SGCZ: variants seen among roughly 807,000 people sequenced by gnomAD.
The protein encoded by SGCZ is sarcoglycan zeta, also known as zeta-sarcoglycan.
SGCZ carries 40 observed loss-of-function variants against 41.3 expected under a neutral mutation model. That is an observed-to-expected ratio of 0.97 (90% CI 0.75 to 1.26). The LOEUF is 1.26. Among genes scored for constraint, SGCZ ranks in the 50% most tolerant of loss-of-function variants. SGCZ has a pLI of 0.00. For synonymous variants in SGCZ, 206 were observed against 137.5 expected, an observed-to-expected ratio of 1.50 and a Z score of -3.49; for missense variants, 552 against 369.8, an observed-to-expected ratio of 1.49 and a Z score of -4.04.
intron 1 of SGCZ, among the ~76,000 whole-genome samples, chr8:14,779,386 A>C (rs765595440): frequency 1.3e-5 from 2 of 152,172 alleles, no homozygotes; most frequent in African/African-American, 2.4e-5. Flanking sequence ...TATTGGACAG[A>C]TGAGTATGCC....
At chr8:14,439,504 T>C (rs999655506) in intron 2 of SGCZ, among the ~76,000 whole-genome samples, 4 of 151,662 alleles carry the variant, frequency 2.6e-5, no homozygotes, top group African/African-American at 7.3e-5. Flanking sequence ...ATATCAATAT[T>C]CCTCATAAGT....
chr8:15,161,652 G>C (rs1157191696), intron 1 of SGCZ, among the ~76,000 whole-genome samples: 1 of 152,192 alleles, frequency 6.6e-6, no homozygotes, highest in African/African-American at 2.4e-5. Flanking sequence ...GTTGTAAAAA[G>C]TAGAAACCAA....
intron 1 of SGCZ, among the ~76,000 whole-genome samples, chr8:14,836,876 C>T (rs1802718503): frequency 6.6e-6 from 1 of 152,184 alleles, no homozygotes. Context: ...CTACTACTTT[C>T]ATGGAAAACA....
At chr8:15,010,855 G>A (rs1056045431) in intron 1 of SGCZ, among the ~76,000 whole-genome samples, 10 of 152,134 alleles carry the variant, frequency 6.6e-5, no homozygotes, top group African/African-American at 2.2e-4. Context: ...AACACGACGT[G>A]CCAAACAATA....
At chr8:14,435,842 G>A (rs1027115951) in intron 2 of SGCZ, among the ~76,000 whole-genome samples, 1 of 152,186 alleles carries the variant, frequency 6.6e-6, no homozygotes, top group Non-Finnish European at 1.5e-5. Flanking sequence ...GCTAGCCCAT[G>A]CTCTAGCCAA....
intron 1 of SGCZ, among the ~76,000 whole-genome samples, chr8:14,877,778 A>G (rs1271720877): frequency 6.6e-6 from 1 of 152,150 alleles, no homozygotes; most frequent in Non-Finnish European, 1.5e-5. Context: ...ACAAAAACGA[A>G]TATATTTATT....
intron 1 of SGCZ, among the ~76,000 whole-genome samples, chr8:14,737,020 G>C (rs1799056933): frequency 6.7e-6 from 1 of 150,232 alleles, no homozygotes; most frequent in Non-Finnish European, 1.5e-5. Flanking sequence ...CTGGTATATA[G>C]ATATATATAT....
At chr8:15,073,228 T>A (rs1805418245) in intron 1 of SGCZ, among the ~76,000 whole-genome samples, 1 of 152,164 alleles carries the variant, frequency 6.6e-6, no homozygotes, top group South Asian at 2.1e-4. Context: ...AGAGAAGTGA[T>A]CTTTTATACT....
chr8:14,285,165 C>T (rs188083791), intron 3 of SGCZ, among the ~76,000 whole-genome samples: 2 of 152,178 alleles, frequency 1.3e-5, no homozygotes, highest in East Asian at 3.9e-4. Context: ...TCCTTCTAGG[C>T]TTTTTATTAA....
rs368066882 is a variant in SGCZ at position 14,815,382 on chromosome 8, ATT to A, written c.40-260458_40-260457del. Among the ~76,000 whole-genome samples the A allele has an allele frequency of 4.9e-3, 720 of 147,780 alleles. 8 individuals carry two copies. The highest frequency in any genetic ancestry group is 0.016 in the African/African-American group (668 of 40,698). On this transcript the variant is annotated intron_variant, in intron 1 of 7. Coordinates refer to ENST00000382080, the MANE Select transcript of SGCZ (RefSeq NM_139167.4). The stretch of plus-strand genomic sequence containing the variant: ...GCCAGTTTTTCAAGCAACTTGTATG[ATT>A]TTTTTTTTTTGCATGTGGTTCATAA...
At chr8:15,115,496 T>A (rs1198809342) in intron 1 of SGCZ, among the ~76,000 whole-genome samples, 3 of 152,208 alleles carry the variant, frequency 2.0e-5, no homozygotes, top group African/African-American at 4.8e-5. Flanking sequence ...ATTTAGGATA[T>A]CTTTATAAAT....
intron 1 of SGCZ, among the ~76,000 whole-genome samples, chr8:15,061,531 A>T (rs994589500): frequency 3.7e-5 from 2 of 54,544 alleles, no homozygotes; most frequent in African/African-American, 1.3e-4. Context: ...TACAGTATAT[A>T]AAAAAAAAAA....
At chr8:14,758,380 C>A (rs1358177696) in intron 1 of SGCZ, among the ~76,000 whole-genome samples, 3 of 152,064 alleles carry the variant, frequency 2.0e-5, no homozygotes, top group Non-Finnish European at 2.9e-5. Flanking sequence ...TTTTTTTTAA[C>A]CAAGTCAGCT....
intron 1 of SGCZ, among the ~76,000 whole-genome samples, chr8:14,923,973 C>A (rs901279015): frequency 3.3e-5 from 5 of 152,246 alleles, no homozygotes; most frequent in African/African-American, 1.2e-4. Context: ...AAGGCAGCAA[C>A]TTCTGGAAAA....
At chr8:14,676,276 T>C (rs570079088) in intron 1 of SGCZ, among the ~76,000 whole-genome samples, 1 of 152,166 alleles carries the variant, frequency 6.6e-6, no homozygotes, top group African/African-American at 2.4e-5. Flanking sequence ...CAGAAAGATC[T>C]CTTAAGGCCA....
chr8:15,016,785 T>C (rs1324260686), intron 1 of SGCZ, among the ~76,000 whole-genome samples: 1 of 152,128 alleles, frequency 6.6e-6, no homozygotes. Context: ...ATAAGCATGG[T>C]GCCAGCATCT....
chr8:14,928,875 C>T (rs951142615), intron 1 of SGCZ, among the ~76,000 whole-genome samples: 1 of 152,034 alleles, frequency 6.6e-6, no homozygotes, highest in African/African-American at 2.4e-5. Context: ...GATAATGTGC[C>T]TATTATACCA....
At chr8:14,687,993 CTTT>C (rs1430791531) in intron 1 of SGCZ, among the ~76,000 whole-genome samples, 2 of 152,140 alleles carry the variant, frequency 1.3e-5, no homozygotes, top group Non-Finnish European at 2.9e-5. Context: ...TAAATGTCTT[CTTT>C]TGAGAAGTGT....
At chr8:14,582,825 A>G (rs1804936280) in intron 1 of SGCZ, among the ~76,000 whole-genome samples, 1 of 151,396 alleles carries the variant, frequency 6.6e-6, no homozygotes, top group Non-Finnish European at 1.5e-5. Flanking sequence ...ATGTCCCTAC[A>G]AAGGACATGA....
Sources: allele counts gnomAD v4.1 joint callset (sites outside exome capture counted in the v4.1 genomes callset), GRCh38; gene constraint gnomAD v4.1.1; transcripts MANE v1.5; gene names NCBI Gene and HGNC (gene_info 2026-07-23, HGNC 2026-07-21).